The following MRTFA variants were observed in gnomAD, a reference collection of about 807,000 sequenced individuals.
MRTFA encodes the protein myocardin related transcription factor A, also known as myocardin-related transcription factor A.
In MRTFA, 20 loss-of-function variants were observed where a neutral mutation model predicts 83.5. The ratio of observed to expected loss-of-function variants is 0.24; its 90% CI spans 0.17 to 0.35. MRTFA has a LOEUF of 0.35. Among genes scored for constraint, MRTFA ranks in the 10% least tolerant of loss-of-function variants. MRTFA has a pLI of 1.00. For synonymous variants in MRTFA, 659 were observed against 541.2 expected (o/e 1.22, Z -3.02); for missense variants, 1,200 against 1,224.7 (o/e 0.98, Z 0.30).
In MRTFA at chr22:40,570,873, T is replaced by C. The variant is rs1156515704; in HGVS notation, c.-21-18506A>G. ...AGTGTTATTTTACTTTCTTTGGTCA[T>C]AAATAATGGAACATAATCCTAATAA... On this transcript the variant is annotated intron_variant, in intron 2 of 14. Transcript: ENST00000355630. Among the ~76,000 whole-genome samples, 3 of 151,506 alleles carry C rather than the reference T, an allele frequency of 2.0e-5. No homozygotes were observed. The East Asian group carries it at 5.8e-4, about 29-fold the overall frequency.
At chr22:40,542,755 C>G (rs2055310541) in intron 3 of MRTFA, among the ~76,000 whole-genome samples, 1 of 151,834 alleles carries the variant, frequency 6.6e-6, no homozygotes. Flanking sequence ...GTTATGTACC[C>G]CATTAAAAAA....
intron 9 of MRTFA, 115 bp downstream of exon 9, chr22:40,423,421 T>C: frequency 1.0e-6 from 1 of 973,988 alleles, no homozygotes. Context: ...CCCAGACCAA[T>C]GGGAGAAGAC....
At chr22:40,545,671 G>A (rs1028503753) in intron 3 of MRTFA, among the ~76,000 whole-genome samples, 3 of 150,998 alleles carry the variant, frequency 2.0e-5, no homozygotes, top group Admixed American at 6.6e-5. Flanking sequence ...GACCTCAGGC[G>A]ATCCACCCAC....
At chr22:40,459,993 A>T (rs928099424) in intron 4 of MRTFA, among the ~76,000 whole-genome samples, 1 of 151,718 alleles carries the variant, frequency 6.6e-6, no homozygotes. Context: ...CCTAGGCTGG[A>T]GTGCGGTGGT....
At chr22:40,419,787 G>C (rs2052787838) in intron 11 of MRTFA, among the ~76,000 whole-genome samples, 1 of 152,214 alleles carries the variant, frequency 6.6e-6, no homozygotes, top group African/African-American at 2.4e-5. Flanking sequence ...GGGAGAGCTT[G>C]GTCCAATCCA....
chr22:40,616,185 C>CT (rs1216750170), intron 1 of MRTFA, among the ~76,000 whole-genome samples: 1 of 152,178 alleles, frequency 6.6e-6, no homozygotes, highest in Non-Finnish European at 1.5e-5. Flanking sequence ...TACACTCCTT[C>CT]ATGCCAACAA....
chr22:40,411,348 C>T lies in MRTFA; in HGVS notation c.*42G>A, dbSNP rs2052528926. On this transcript the variant is annotated 3_prime_UTR_variant, in exon 15 of 15. Coordinates refer to ENST00000355630, the MANE Select transcript of MRTFA (RefSeq NM_020831.6). ...CAGGAGAGCCACGCATTGGAGTACC[C>T]TGGCTCCCAGCCCCTTCCCCACCCC... The T allele has an allele frequency of 6.6e-7, 1 of 1,523,072 alleles. No individual in the cohort carries two copies. The highest frequency in any genetic ancestry group is 1.3e-5 in the South Asian group (1 of 79,170). The allele number at this position is 1,523,072 out of a possible 1,614,324, so 94.3% of individuals were successfully genotyped here. A position where few individuals can be genotyped will look rare whatever the true frequency, so the allele number is the denominator to read the frequency against.
intron 2 of MRTFA, among the ~76,000 whole-genome samples, chr22:40,578,139 A>T (rs2055894273): frequency 6.6e-6 from 1 of 151,888 alleles, no homozygotes; most frequent in South Asian, 2.1e-4. Flanking sequence ...TTTTTAGTAG[A>T]GACGGAGTTT....
chr22:40,511,565 C>G (rs572070372), intron 3 of MRTFA, among the ~76,000 whole-genome samples: 3 of 152,336 alleles, frequency 2.0e-5, no homozygotes, highest in African/African-American at 7.2e-5. Context: ...ACTACAGGAA[C>G]TGACAGTAAC....
intron 3 of MRTFA, among the ~76,000 whole-genome samples, chr22:40,541,376 T>C (rs909503616): frequency 2.7e-4 from 41 of 152,322 alleles, no homozygotes; most frequent in African/African-American, 8.9e-4. Flanking sequence ...CATGAGTTTA[T>C]TGAGGCTCAG....
chr22:40,489,410 C>T (rs567641429), intron 3 of MRTFA, among the ~76,000 whole-genome samples: 3 of 150,998 alleles, frequency 2.0e-5, no homozygotes, highest in Non-Finnish European at 2.9e-5. Flanking sequence ...AGTGCAGTGT[C>T]GTGAACATGG....
intron 4 of MRTFA, among the ~76,000 whole-genome samples, chr22:40,450,873 A>C (rs1018873914): frequency 1.3e-5 from 2 of 152,244 alleles, no homozygotes; most frequent in African/African-American, 4.8e-5. Flanking sequence ...TTCAGGAATT[A>C]GCACAGGGTT....
intron 3 of MRTFA, among the ~76,000 whole-genome samples, chr22:40,515,790 T>C (rs934625903): frequency 6.6e-6 from 1 of 152,168 alleles, no homozygotes. Context: ...GGACTAGATA[T>C]TATTTAACCC....
intron 3 of MRTFA, among the ~76,000 whole-genome samples, chr22:40,480,448 GTGTTATCAGCATGACA>G (rs1200926543): frequency 6.6e-6 from 1 of 151,928 alleles, no homozygotes; most frequent in African/African-American, 2.4e-5. Flanking sequence ...TATATTGATA[GTGTTATCAGCATGACA>G]TGCTGATATG....
chr22:40,416,828 C>G lies in MRTFA; in HGVS notation c.2578+158G>C, dbSNP rs2052690014. On this transcript the variant is annotated intron_variant, in intron 14 of 14. Transcript: ENST00000355630. This position sits in a 1 kb window ranked among gnomAD's most constrained non-coding sequence, Gnocchi z 4.2. ...CCTTCCCTGGTCCTCTCGCCCAGGC[C>G]TTGGAGACGGGAGGGCTCACAGCCA... The G allele has an allele frequency of 1.4e-6, 1 of 703,636 alleles. No homozygotes were observed. The highest frequency in any genetic ancestry group is 1.8e-5 in the African/African-American group (1 of 55,484). 43.6% of individuals were successfully genotyped at this position (703,636 alleles called of 1,614,324 possible).
At chr22:40,470,950 AAAAAC>A (rs776367640) in intron 3 of MRTFA, among the ~76,000 whole-genome samples, 32 of 152,120 alleles carry the variant, frequency 2.1e-4, no homozygotes, top group African/African-American at 5.6e-4. Flanking sequence ...TTCCGTCTCA[AAAAAC>A]AAAACAAAAC....
At chr22:40,465,695 G>C (rs941280822) in intron 3 of MRTFA, among the ~76,000 whole-genome samples, 2 of 152,094 alleles carry the variant, frequency 1.3e-5, no homozygotes, top group African/African-American at 2.4e-5. Context: ...GGAGTAGCTG[G>C]AACTATAGGT....
At chr22:40,438,124 A>G (rs2053206784) in intron 4 of MRTFA, among the ~76,000 whole-genome samples, 1 of 152,276 alleles carries the variant, frequency 6.6e-6, no homozygotes. Context: ...TCTGTGTTCT[A>G]GTACTGAGTG....
At chr22:40,424,805 T>C (rs2052919351) in intron 7 of MRTFA, among the ~76,000 whole-genome samples, 1 of 152,152 alleles carries the variant, frequency 6.6e-6, no homozygotes, top group African/African-American at 2.4e-5. Flanking sequence ...AAAACTCTCT[T>C]ATTCCCCCAT....
Sources: allele counts gnomAD v4.1 joint callset (sites outside exome capture counted in the v4.1 genomes callset), GRCh38; gene constraint gnomAD v4.1.1; non-coding constraint Gnocchi (gnomAD v3.1); transcripts MANE v1.5; gene names NCBI Gene and HGNC (gene_info 2026-07-23, HGNC 2026-07-21).